ARMH4: variants seen among roughly 807,000 people sequenced by gnomAD.
The protein encoded by ARMH4 is armadillo like helical domain containing 4, also known as armadillo-like helical domain-containing protein 4.
A neutral mutation model predicts 61.9 loss-of-function variants in ARMH4; 49 were observed. The observed-to-expected ratio is 0.79, with a 90% CI of 0.63 to 1.00. The LOEUF is 1.00. ARMH4 is among the 50% of genes least tolerant of loss of function. ARMH4 has a pLI of 0.00. For missense variants in ARMH4, 934 were observed against 930.0 expected (o/e 1.00, Z -0.06); for synonymous variants, 368 against 341.5 (o/e 1.08, Z -0.85).
At chr14:58,146,916 C>T (rs942546637) in intron 1 of ARMH4, among the ~76,000 whole-genome samples, 13 of 152,196 alleles carry the variant, frequency 8.5e-5, no homozygotes, top group Non-Finnish European at 1.5e-4. Context: ...CAATGAGCAT[C>T]GCCCCAAGAG....
Position 58,133,335 on chromosome 14 carries a change from A to G in ARMH4, c.1376T>C (p.Ile459Thr). Residue 459 changes from isoleucine (I) to threonine (T), a missense_variant, in exon 3 of 8, where the codon ATC (isoleucine) becomes ACC (threonine). Coordinates refer to ENST00000267485, the MANE Select transcript of ARMH4 (RefSeq NM_001001872.4). ...AACAGCTGTTGTCATCTCTTGAGTGATGATGTCTTAAAGGGGGGAAAACAT... is the reference window on the plus strand; with the variant it reads ...AACAGCTGTTGTCATCTCTTGAGTGGTGATGTCTTAAAGGGGGGAAAACAT... Reference protein sequence around the residue: ...QLLGNTMKDIITQEMTTAVQE... With the variant: ...QLLGNTMKDITTQEMTTAVQE... 6.2e-7 allele frequency: 1 copy of G among 1,613,200 alleles called. No homozygotes were observed. Among genetic ancestry groups the G allele is most frequent in the Non-Finnish European group, 8.5e-7 (1 of 1,179,726 alleles).
intron 6 of ARMH4, among the ~76,000 whole-genome samples, chr14:58,007,852 T>C (rs1485334695): frequency 6.6e-6 from 1 of 152,194 alleles, no homozygotes; most frequent in Non-Finnish European, 1.5e-5. Flanking sequence ...CTGAATCTAA[T>C]CATGAGAAAA....
chr14:58,105,258 A>G (rs921892225), intron 4 of ARMH4, among the ~76,000 whole-genome samples: 2 of 152,224 alleles, frequency 1.3e-5, no homozygotes, highest in African/African-American at 4.8e-5. Context: ...GAGTTTTGCA[A>G]TTTGTTTAAA....
At chr14:58,087,017 A>G (rs1047886024) in intron 5 of ARMH4, among the ~76,000 whole-genome samples, 6 of 152,210 alleles carry the variant, frequency 3.9e-5, no homozygotes, top group African/African-American at 1.4e-4. Context: ...GCACACAGAG[A>G]TCCCTAAATA....
chr14:58,008,351 C>T (rs1016013476), intron 6 of ARMH4, among the ~76,000 whole-genome samples: 3 of 152,106 alleles, frequency 2.0e-5, no homozygotes, highest in Non-Finnish European at 2.9e-5. Context: ...TTCTTTGCAC[C>T]ATTCTTACTC....
chr14:58,064,511 T>C lies in ARMH4; in HGVS notation c.2089+32213A>G, dbSNP rs573026821. 3.3e-5 allele frequency among the ~76,000 whole-genome samples: 5 copies of C among 152,256 alleles called. No individual in the cohort carries two copies. The South Asian group carries it at 1.0e-3, about 32-fold the overall frequency. On this transcript the variant is annotated intron_variant, in intron 5 of 7. Coordinates refer to ENST00000267485, the MANE Select transcript of ARMH4 (RefSeq NM_001001872.4). ...ATGTTTTTCTATTCCAATAAGTCAA[T>C]CAAAGACTACACTTATTCCAATAAT...
chr14:58,039,237 C>G (rs71414185), intron 5 of ARMH4, among the ~76,000 whole-genome samples: 1,978 of 152,252 alleles, frequency 0.013, 37 homozygotes, highest in East Asian at 0.079. Flanking sequence ...AGTCTAGCAT[C>G]GCAATCTGAG....
intron 5 of ARMH4, among the ~76,000 whole-genome samples, chr14:58,016,973 G>A (rs1170840711): frequency 1.3e-5 from 2 of 152,154 alleles, no homozygotes; most frequent in African/African-American, 4.8e-5. Flanking sequence ...TGGAAGTCCT[G>A]GCCAGAACAA....
chr14:58,126,398 A>T (rs2059972705), intron 4 of ARMH4, among the ~76,000 whole-genome samples: 1 of 152,244 alleles, frequency 6.6e-6, no homozygotes, highest in Non-Finnish European at 1.5e-5. Flanking sequence ...CAGATAAGGA[A>T]AGAGAGATAA....
At chr14:58,128,037 T>A (rs945825151) in intron 4 of ARMH4, among the ~76,000 whole-genome samples, 1 of 152,218 alleles carries the variant, frequency 6.6e-6, no homozygotes, top group African/African-American at 2.4e-5. Context: ...AGAATTATTA[T>A]TACCACTTCA....
chr14:58,124,617 T>G (rs1043551090), intron 4 of ARMH4, among the ~76,000 whole-genome samples: 3 of 152,202 alleles, frequency 2.0e-5, no homozygotes, highest in Non-Finnish European at 2.9e-5. Context: ...TGTGCAACTC[T>G]TAATCCAGCA....
At chr14:58,046,804 T>G (rs1018753099) in intron 5 of ARMH4, among the ~76,000 whole-genome samples, 8 of 152,244 alleles carry the variant, frequency 5.3e-5, no homozygotes, top group Non-Finnish European at 1.0e-4. Context: ...ATAAAAATTC[T>G]TATGGCCCTC....
rs1882115210 is a variant in ARMH4, at chr14:58,005,119, A to G, written c.2185T>C (p.Leu729=). The G allele has an allele frequency of 1.9e-6, 3 of 1,613,964 alleles. No individual in the cohort carries two copies. Among genetic ancestry groups the G allele is most frequent in the Non-Finnish European group, 2.5e-6 (3 of 1,179,970 alleles). Residue 729 remains leucine, a synonymous_variant, in exon 7 of 8, where the codon TTG becomes CTG. Transcript: ENST00000267485. ...ACCTTAATGCTGTAGAGGGCTCCCA[A>G]GATGAACAAGGCTCCAGCTATCCCA... is the stretch of plus-strand genomic sequence containing the variant. ...GVGIAGALFI[L]GALYSIKVMN... is the part of the protein sequence containing the mutation.
At chr14:58,049,331 A>C (rs59873442) in intron 5 of ARMH4, among the ~76,000 whole-genome samples, 10,460 of 152,254 alleles carry the variant, frequency 0.069, 449 homozygotes, top group African/African-American at 0.11. Flanking sequence ...TGAAGTATAA[A>C]AAATGTCATA....
chr14:58,125,445 T>G (rs1362653466), intron 4 of ARMH4, among the ~76,000 whole-genome samples: 1 of 152,208 alleles, frequency 6.6e-6, no homozygotes, highest in Non-Finnish European at 1.5e-5. Context: ...CCAGGCCTTT[T>G]CAAAACTATC....
In ARMH4 at chr14:58,096,940, C is replaced by G; in HGVS notation, c.1873G>C (p.Asp625His). 1 of 1,612,996 alleles carries G rather than the reference C, an allele frequency of 6.2e-7. No individual in the cohort carries two copies. The highest frequency in any genetic ancestry group is 8.5e-7 in the Non-Finnish European group (1 of 1,179,738). Residue 625 changes from aspartate (D) to histidine (H), a missense_variant, in exon 5 of 8, where the codon GAT becomes CAT. Asp to His is a moderately conservative substitution (Grantham distance 81). Transcript: ENST00000267485. ...TCTTCCTCATCTTCCTCTTCTTCATCTTCATCTTCTTCATCCTCTTCATCC... is the reference window on the plus strand; with the variant it reads ...TCTTCCTCATCTTCCTCTTCTTCATGTTCATCTTCTTCATCCTCTTCATCC... ...DEDEEDEEDE[D>H]EEEEDEEEDE...
At chr14:58,010,969 C>T (rs1405274921) in intron 6 of ARMH4, among the ~76,000 whole-genome samples, 4 of 151,450 alleles carry the variant, frequency 2.6e-5, no homozygotes, top group Admixed American at 1.3e-4. Flanking sequence ...GAAAAAATAA[C>T]AAGAAACACT....
At chr14:58,097,843 T>C (rs1885810259) in intron 4 of ARMH4, among the ~76,000 whole-genome samples, 1 of 152,084 alleles carries the variant, frequency 6.6e-6, no homozygotes. Context: ...AATGCTAGTA[T>C]TATAGGCGTG....
At position 58,078,065 on chromosome 14, in the gene ARMH4, A is replaced by C. The variant is rs371219203; in HGVS notation, c.2089+18659T>G. ...TAAGCCCAGCATTCTCTCCTACTCT[A>C]AGATGAAACAGACATTACCTCTCAT... On this transcript the variant is annotated intron_variant, in intron 5 of 7. Transcript: ENST00000267485. Among the ~76,000 whole-genome samples the C allele has an allele frequency of 1.1e-4, 16 of 152,280 alleles. No homozygotes were observed. The East Asian group carries it at 2.1e-3, about 20-fold the overall frequency.
Sources: allele counts gnomAD v4.1 joint callset (sites outside exome capture counted in the v4.1 genomes callset), GRCh38; gene constraint gnomAD v4.1.1; transcripts MANE v1.5; gene names NCBI Gene and HGNC (gene_info 2026-07-23, HGNC 2026-07-21).